The following MCF2L2 variants were observed in gnomAD, a reference collection of about 807,000 sequenced individuals.
MCF2L2 encodes MCF.2 cell line derived transforming sequence-like 2, also known as probable guanine nucleotide exchange factor MCF2L2.
A neutral mutation model predicts 150.2 loss-of-function variants in MCF2L2; 102 were observed. The observed-to-expected ratio is 0.68, with a 90% CI of 0.58 to 0.80. MCF2L2 has a LOEUF of 0.80. MCF2L2 is among the 30% of genes least tolerant of loss of function. The pLI is 0.00. For synonymous variants in MCF2L2, 465 were observed against 491.3 expected (o/e 0.95, Z 0.71); for missense variants, 1,256 against 1,372.8 (o/e 0.91, Z 1.34).
At chr3:183,359,858 T>C (rs961143751) in intron 3 of MCF2L2, among the ~76,000 whole-genome samples, 6 of 152,226 alleles carry the variant, frequency 3.9e-5, no homozygotes, top group Non-Finnish European at 5.9e-5. Context: ...GTGGGGACTT[T>C]GAAGAATTCC....
At chr3:183,215,326 A>T (rs568142820) in intron 22 of MCF2L2, among the ~76,000 whole-genome samples, 1 of 152,200 alleles carries the variant, frequency 6.6e-6, no homozygotes, top group South Asian at 2.1e-4. Context: ...AAAGTAAAAA[A>T]CAAAACAAGT....
chr3:183,410,689 C>T (rs1446851258), intron 1 of MCF2L2, among the ~76,000 whole-genome samples: 2 of 152,186 alleles, frequency 1.3e-5, no homozygotes, highest in African/African-American at 4.8e-5. Context: ...GTAAAACCGT[C>T]TAAGTATTTT....
At chr3:183,351,592 C>A (rs1711506351) in intron 3 of MCF2L2, among the ~76,000 whole-genome samples, 1 of 152,002 alleles carries the variant, frequency 6.6e-6, no homozygotes, top group Non-Finnish European at 1.5e-5. Context: ...TAATTCCAAG[C>A]ACTAATATGA....
rs113441551 is a variant in MCF2L2 at position 183,420,326 on chromosome 3, G to A, written c.76+7576C>T. On this transcript the variant is annotated intron_variant, in intron 1 of 29. Transcript: ENST00000328913. ...TGCTATAAAGATACAACCTGGCCAG[G>A]TGCGGTGGCTCATGCCTGTAATCCC... 1.6e-3 allele frequency among the ~76,000 whole-genome samples: 243 copies of A among 152,278 alleles called. 1 individual carries two copies. The highest frequency in any genetic ancestry group is 5.4e-3 in the African/African-American group (224 of 41,546).
intron 3 of MCF2L2, among the ~76,000 whole-genome samples, chr3:183,371,620 A>G (rs79211728): frequency 0.32 from 47,876 of 150,550 alleles, 11,640 homozygotes; most frequent in African/African-American, 0.68. Context: ...GGCTTATGCC[A>G]CCAGGCCCAG....
In MCF2L2 at chr3:183,207,677, G is replaced by A. The variant is rs371031680; in HGVS notation, c.2643C>T (p.Phe881=). ...CCCCAGGCTCCATTCGTATCTTACA[G>A]AACACTATTCCCCTTTCAAATAGGT... ...QIYLFERGIV[F]CKIRMEPGDQ... is the part of the protein sequence containing the mutation. The change falls in exon 23 of 30, where the codon TTC becomes TTT. Residue 881 remains phenylalanine, a synonymous_variant. Coordinates refer to ENST00000328913, the MANE Select transcript of MCF2L2 (RefSeq NM_015078.4). The A allele has an allele frequency of 6.8e-6, 11 of 1,614,082 alleles. No individual in the cohort carries two copies. Among genetic ancestry groups the A allele is most frequent in the Non-Finnish European group, 9.3e-6 (11 of 1,180,020 alleles).
At chr3:183,253,165 G>T (rs1423719431) in intron 15 of MCF2L2, 1 of 132,124 alleles carries the variant, frequency 7.6e-6, no homozygotes, top group Non-Finnish European at 1.6e-5. Flanking sequence ...GCTGGCGGGC[G>T]GGGCCGGGCT....
intron 3 of MCF2L2, among the ~76,000 whole-genome samples, chr3:183,345,295 T>G (rs1486093837): frequency 1.3e-5 from 2 of 152,188 alleles, no homozygotes; most frequent in South Asian, 4.1e-4. Context: ...ACATGGAATC[T>G]GAACAAACTG....
At chr3:183,211,307 T>C (rs930947404) in intron 22 of MCF2L2, among the ~76,000 whole-genome samples, 2 of 152,078 alleles carry the variant, frequency 1.3e-5, no homozygotes, top group African/African-American at 4.8e-5. Context: ...CGTGACTTCT[T>C]GAGAAGCTGC....
intron 21 of MCF2L2, among the ~76,000 whole-genome samples, chr3:183,216,570 ATATATATATATTTTTTTTTTTTT>A (rs1449987939): frequency 0.13 from 3,582 of 26,904 alleles, 352 homozygotes; most frequent in Middle Eastern, 0.24. Flanking sequence ...ATATATATAT[ATATATATATATTTTTTTTTTTTT>A]TTTTTTTTTT....
At chr3:183,292,556 TAC>T (rs58788215) in intron 13 of MCF2L2, among the ~76,000 whole-genome samples, 6,717 of 144,574 alleles carry the variant, frequency 0.046, 201 homozygotes, top group African/African-American at 0.095. Flanking sequence ...AGGGGGTATG[TAC>T]ACACACACAC....
At chr3:183,185,349 G>A (rs1415332353) in intron 27 of MCF2L2, among the ~76,000 whole-genome samples, 1 of 152,242 alleles carries the variant, frequency 6.6e-6, no homozygotes, top group Non-Finnish European at 1.5e-5. Flanking sequence ...CCTTTCACTT[G>A]GAAGAACCAG....
In MCF2L2 at chr3:183,300,307, C is replaced by A. The variant is rs774549655; in HGVS notation, c.1114-111G>T. On this transcript the variant is annotated intron_variant, in intron 10 of 29. Transcript: ENST00000328913. ...GGAGGGAGGCTGTGGAGATGCTAAC[C>A]CAGGATGAAGGCTGGAGAACCTGAG... 356 of 975,812 alleles carry A rather than the reference C, an allele frequency of 3.6e-4. 2 individuals carry two copies. The highest frequency in any genetic ancestry group is 4.7e-4 in the Non-Finnish European group (325 of 689,840). 60.4% of individuals were successfully genotyped at this position (975,812 alleles called of 1,614,324 possible). A position where few individuals can be genotyped will look rare whatever the true frequency, so the allele number is the denominator to read the frequency against.
intron 21 of MCF2L2, among the ~76,000 whole-genome samples, chr3:183,216,957 T>C (rs1388949900): frequency 6.6e-6 from 1 of 151,126 alleles, no homozygotes; most frequent in Non-Finnish European, 1.5e-5. Flanking sequence ...TAAATAGGCT[T>C]CTCTCTCTTT....
At chr3:183,360,105 T>C (rs1253321971) in intron 3 of MCF2L2, among the ~76,000 whole-genome samples, 1 of 152,180 alleles carries the variant, frequency 6.6e-6, no homozygotes, top group Non-Finnish European at 1.5e-5. Context: ...AAAACGTGCC[T>C]AGAAGACACG....
chr3:183,416,784 C>A (rs1248732811), intron 1 of MCF2L2, among the ~76,000 whole-genome samples: 2 of 151,916 alleles, frequency 1.3e-5, no homozygotes, highest in African/African-American at 2.4e-5. Context: ...ACTATTTACA[C>A]AGCATTTATA....
At position 183,223,238 on chromosome 3, in the gene MCF2L2, T is replaced by C. The variant is rs58536651; in HGVS notation, c.2301+108A>G. ...AAAAAGCCTGCAGGATAGACGTATCTTCAGCCTTAGAAGACCAAGGCACAG... is the reference window on the plus strand; with the variant it reads ...AAAAAGCCTGCAGGATAGACGTATCCTCAGCCTTAGAAGACCAAGGCACAG... On this transcript the variant is annotated intron_variant, in intron 20 of 29. Transcript: ENST00000328913. 3.1e-4 allele frequency: 240 copies of C among 769,378 alleles called. 1 individual carries two copies. In the African/African-American group the frequency reaches 3.9e-3, roughly 12 times the overall value. 47.7% of individuals were successfully genotyped at this position (769,378 alleles called of 1,614,324 possible).
At chr3:183,311,542 C>A in intron 8 of MCF2L2, 106 bp downstream of exon 8, 1 of 1,276,138 alleles carries the variant, frequency 7.8e-7, no homozygotes, top group Non-Finnish European at 1.1e-6. Context: ...TTCCTTGGCC[C>A]CACCAAGACC....
At chr3:183,274,885 C>G (rs1202690641) in intron 15 of MCF2L2, among the ~76,000 whole-genome samples, 1 of 152,164 alleles carries the variant, frequency 6.6e-6, no homozygotes, top group Non-Finnish European at 1.5e-5. Context: ...TCCTCACTGC[C>G]TCCAGCATCA....
Sources: allele counts gnomAD v4.1 joint callset (sites outside exome capture counted in the v4.1 genomes callset), GRCh38; gene constraint gnomAD v4.1.1; transcripts MANE v1.5; gene names NCBI Gene and HGNC (gene_info 2026-07-23, HGNC 2026-07-21).